Variants in NKAIN3 observed in about 807,000 individuals in gnomAD.
NKAIN3 encodes the protein sodium/potassium-transporting ATPase subunit beta-1-interacting protein 3.
Under a neutral mutation model 30.2 loss-of-function variants are expected in NKAIN3, and 25 were observed. The ratio of observed to expected loss-of-function variants is 0.83; its 90% CI spans 0.60 to 1.16. The LOEUF (loss-of-function observed/expected upper bound fraction) is 1.16, where lower values mean the gene tolerates loss of function less well. Ranked by LOEUF, NKAIN3 falls within the 50% of genes most tolerant of loss-of-function variation. The pLI, the probability that NKAIN3 is intolerant of heterozygous loss-of-function variation, is 0.00. For synonymous variants in NKAIN3, 91 were observed against 89.6 expected, an observed-to-expected ratio of 1.02 and a Z score of -0.09; for missense variants, 225 against 254.1, an observed-to-expected ratio of 0.89 and a Z score of 0.78.
chr8:62,647,989 G>A (rs1197343833), intron 3 of NKAIN3, among the ~76,000 whole-genome samples: 2 of 152,058 alleles, frequency 1.3e-5, no homozygotes, highest in African/African-American at 4.8e-5. Flanking sequence ...TATCGTCAAG[G>A]CCTATGAGAA....
At chr8:62,372,194 A>G (rs528790267) in intron 1 of NKAIN3, among the ~76,000 whole-genome samples, 1 of 151,002 alleles carries the variant, frequency 6.6e-6, no homozygotes, top group Non-Finnish European at 1.5e-5. Flanking sequence ...GCCTTTATGT[A>G]TAGGGCATTT....
intron 1 of NKAIN3, among the ~76,000 whole-genome samples, chr8:62,442,798 T>C (rs1205573541): frequency 1.3e-5 from 2 of 152,002 alleles, no homozygotes; most frequent in Non-Finnish European, 2.9e-5. Flanking sequence ...TAGCTCTAAA[T>C]TGTTCCTTAT....
intron 3 of NKAIN3, among the ~76,000 whole-genome samples, chr8:62,619,431 T>C (rs574184552): frequency 1.3e-5 from 2 of 152,286 alleles, no homozygotes; most frequent in South Asian, 4.2e-4. Context: ...TTTCTATTGA[T>C]AATAACTCTT....
chr8:62,349,723 A>G (rs1208228164), intron 1 of NKAIN3, among the ~76,000 whole-genome samples: 1 of 152,084 alleles, frequency 6.6e-6, no homozygotes, highest in Non-Finnish European at 1.5e-5. Flanking sequence ...CCTTGTTAGG[A>G]TGAGTTGAAG....
At chr8:62,525,053 A>C (rs1175007756) in intron 1 of NKAIN3, among the ~76,000 whole-genome samples, 1 of 152,096 alleles carries the variant, frequency 6.6e-6, no homozygotes. Context: ...AGACCCTTGA[A>C]GGGTAAATGA....
At chr8:62,933,301 G>A (rs1425830734) in intron 5 of NKAIN3, among the ~76,000 whole-genome samples, 3 of 152,042 alleles carry the variant, frequency 2.0e-5, no homozygotes, top group Admixed American at 6.6e-5. Flanking sequence ...ATTTCAAAAC[G>A]GAAATGTCCA....
At chr8:62,714,768 C>T (rs534376960) in intron 3 of NKAIN3, among the ~76,000 whole-genome samples, 2 of 152,204 alleles carry the variant, frequency 1.3e-5, no homozygotes, top group African/African-American at 2.4e-5. Flanking sequence ...ATCACAGGGC[C>T]AAAATTCAAA....
At chr8:62,963,127 G>A (rs977405989) in intron 6 of NKAIN3, among the ~76,000 whole-genome samples, 1 of 152,096 alleles carries the variant, frequency 6.6e-6, no homozygotes, top group East Asian at 1.9e-4. Flanking sequence ...TCCTGACCTC[G>A]GGTGATCCAC....
chr8:62,610,800 C>T (rs1405101490), intron 3 of NKAIN3, among the ~76,000 whole-genome samples: 1 of 152,068 alleles, frequency 6.6e-6, no homozygotes, highest in Non-Finnish European at 1.5e-5. Context: ...TGTCTTATTT[C>T]CAGATGCCAA....
chr8:62,796,290 A>G (rs904477209), intron 4 of NKAIN3, among the ~76,000 whole-genome samples: 1 of 145,998 alleles, frequency 6.8e-6, no homozygotes, highest in Non-Finnish European at 1.5e-5. Flanking sequence ...AGGTTGGGAC[A>G]GGAGAATCGC....
chr8:62,863,162 C>G, intron 4 of NKAIN3: 7 of 1,514,264 alleles, frequency 4.6e-6, no homozygotes, highest in Non-Finnish European at 5.5e-6. Context: ...ATTTTCCTTT[C>G]GGCTTCTTGC....
chr8:62,319,791 A>C (rs566675672), intron 1 of NKAIN3, among the ~76,000 whole-genome samples: 153 of 152,286 alleles, frequency 1.0e-3, no homozygotes, highest in African/African-American at 3.5e-3. Context: ...TGTGGTGCTG[A>C]GAAGAATGTA....
In NKAIN3 at chr8:62,969,500, A is replaced by G. The variant is rs1823786557; in HGVS notation, c.*4093A>G. 6.6e-6 allele frequency among the ~76,000 whole-genome samples: 1 copy of G among 152,188 alleles called. No homozygotes were observed. The highest frequency in any genetic ancestry group is 2.4e-5 in the African/African-American group (1 of 41,446). On this transcript the variant is annotated 3_prime_UTR_variant, in exon 7 of 7. Coordinates refer to ENST00000623646, the MANE Select transcript of NKAIN3 (RefSeq NM_001304533.3). ...TTTAAAACGAATTGTGTCCCCAAAT[A>G]TGGTCTATTCTGGCTAATCATTTTT... is the stretch of plus-strand genomic sequence containing the variant.
intron 4 of NKAIN3, among the ~76,000 whole-genome samples, chr8:62,900,038 AAG>A: frequency 6.6e-6 from 1 of 151,734 alleles, no homozygotes; most frequent in Non-Finnish European, 1.5e-5. Context: ...TTAAAAAAAA[AAG>A]AAATAAAGAA....
intron 1 of NKAIN3, among the ~76,000 whole-genome samples, chr8:62,341,434 A>G (rs1047069757): frequency 6.6e-6 from 1 of 152,034 alleles, no homozygotes; most frequent in Non-Finnish European, 1.5e-5. Flanking sequence ...AGCAACCTTG[A>G]AGTGCATGTA....
chr8:62,937,092 C>T (rs1017109550), intron 5 of NKAIN3, among the ~76,000 whole-genome samples: 6 of 151,684 alleles, frequency 4.0e-5, no homozygotes, highest in Non-Finnish European at 8.8e-5. Context: ...TTATTTCCTC[C>T]ATATGTGTAT....
rs531407497 is a variant in NKAIN3 at position 62,547,268 on chromosome 8, A to G, written c.55-32271A>G. ...TGTCCTTAGAGAGATCTCCACTGGT[A>G]CATGTCTCTCTTAACTCCTTCTCAG... is the stretch of plus-strand genomic sequence containing the variant. On this transcript the variant is annotated intron_variant, in intron 1 of 6. Coordinates refer to ENST00000623646, the MANE Select transcript of NKAIN3 (RefSeq NM_001304533.3). Among the ~76,000 whole-genome samples, 76 of 152,334 alleles carry G rather than the reference A, an allele frequency of 5.0e-4. 1 individual carries two copies. In the South Asian group the frequency reaches 9.7e-3, roughly 20 times the overall value.
intron 1 of NKAIN3, among the ~76,000 whole-genome samples, chr8:62,295,117 T>G (rs1425134487): frequency 2.6e-5 from 4 of 152,130 alleles, no homozygotes; most frequent in Admixed American, 2.6e-4. Context: ...GGCACAACCT[T>G]AAATAGAATA....
chr8:62,330,524 TA>T (rs1815308793), intron 1 of NKAIN3, among the ~76,000 whole-genome samples: 1 of 151,894 alleles, frequency 6.6e-6, no homozygotes, highest in South Asian at 2.1e-4. Context: ...TTTACCCCAC[TA>T]AGACCCCTGG....
Sources: allele counts gnomAD v4.1 joint callset (sites outside exome capture counted in the v4.1 genomes callset), GRCh38; gene constraint gnomAD v4.1.1; transcripts MANE v1.5; gene names NCBI Gene and HGNC (gene_info 2026-07-23, HGNC 2026-07-21).